Variants in NIBAN3 observed in about 807,000 individuals in gnomAD.
The protein encoded by NIBAN3 is protein Niban 3.
Under a neutral mutation model 76.4 loss-of-function variants are expected in NIBAN3, and 66 were observed. That is an observed-to-expected ratio of 0.86 (90% CI 0.71 to 1.06). NIBAN3 has a LOEUF of 1.06. Among genes scored for constraint, NIBAN3 ranks in the 50% least tolerant of loss-of-function variants. NIBAN3 has a pLI of 0.00. For synonymous variants in NIBAN3, 360 were observed against 355.2 expected, an observed-to-expected ratio of 1.01 and a Z score of -0.15; for missense variants, 808 against 810.7, an observed-to-expected ratio of 1.00 and a Z score of 0.04.
chr19:17,532,466 C>T, intron 3 of NIBAN3, 78 bp downstream of exon 3: 3 of 1,589,422 alleles, frequency 1.9e-6, no homozygotes, highest in Non-Finnish European at 2.6e-6. Flanking sequence ...TTGTGGGATC[C>T]ATATCTCAGC....
Position 17,553,123 on chromosome 19 carries a change from T to G in NIBAN3, c.*1225T>G, listed in dbSNP as rs2076181071. 4.5e-5 allele frequency: 14 copies of G among 314,106 alleles called. No homozygotes were observed. The highest frequency in any genetic ancestry group is 7.7e-5 in the African/African-American group (3 of 38,940). The allele number at this position is 314,106 out of a possible 1,614,324, so 19.5% of individuals were successfully genotyped here. On this transcript the variant is annotated 3_prime_UTR_variant, in exon 15 of 15. Transcript: ENST00000599164. ...TGATTAGCCATTTACATGTTTGTAG[T>G]TTTTTTTTTTTTAATTTCAGTGAAT...
chr19:17,539,053 G>A (rs745871901), intron 5 of NIBAN3, 97 bp from the exon 6 acceptor site: 63 of 1,011,774 alleles, frequency 6.2e-5, no homozygotes, highest in Non-Finnish European at 8.7e-5. Context: ...TGAGACTTGG[G>A]TGTTGGGGAC....
At chr19:17,546,923 T>C (rs2076066539) in intron 13 of NIBAN3, 126 bp downstream of exon 13, 3 of 1,274,186 alleles carry the variant, frequency 2.4e-6, no homozygotes, top group Non-Finnish European at 3.2e-6. Flanking sequence ...AAGTCAGGAC[T>C]TGGCCTGAGG....
At chr19:17,548,395 G>A (rs530796561) in intron 13 of NIBAN3, among the ~76,000 whole-genome samples, 6 of 152,314 alleles carry the variant, frequency 3.9e-5, no homozygotes, top group Admixed American at 3.9e-4. Flanking sequence ...TGGAAGTGAG[G>A]GAGGAGGCTG....
chr19:17,552,079 A>ATTTT lies in NIBAN3; in HGVS notation c.*181_*182insTTTT. 1 of 357,214 alleles carries ATTTT rather than the reference A, an allele frequency of 2.8e-6. No individual in the cohort carries two copies. The highest frequency in any genetic ancestry group is 7.4e-5 in the South Asian group (1 of 13,582). 22.1% of individuals were successfully genotyped at this position (357,214 alleles called of 1,614,324 possible). A position where few individuals can be genotyped will look rare whatever the true frequency, so the allele number is the denominator to read the frequency against. ...TTTTCCCCAAGGCTTTCTTTATTTTAATTTTTTTTTTTTTTTTGAGACTGA... is the reference window on the plus strand; with the variant it reads ...TTTTCCCCAAGGCTTTCTTTATTTTATTTTATTTTTTTTTTTTTTTTGAGACTGA... On this transcript the variant is annotated 3_prime_UTR_variant, in exon 15 of 15. Coordinates refer to ENST00000599164, the MANE Select transcript of NIBAN3 (RefSeq NM_001321827.2).
intron 1 of NIBAN3, among the ~76,000 whole-genome samples, chr19:17,527,728 GT>G (rs991449044): frequency 9.1e-4 from 133 of 146,048 alleles, no homozygotes; most frequent in African/African-American, 2.0e-3. Context: ...TTCATTGGTT[GT>G]TTTTTTTTTT....
intron 3 of NIBAN3, among the ~76,000 whole-genome samples, chr19:17,532,972 GA>G (rs796579063): frequency 6.7e-6 from 1 of 149,700 alleles, no homozygotes; most frequent in East Asian, 2.0e-4. Flanking sequence ...GAGAGAGGAG[GA>G]AAAAAAAAGG....
chr19:17,541,720 C>T (rs2075956729), intron 9 of NIBAN3, among the ~76,000 whole-genome samples: 1 of 151,210 alleles, frequency 6.6e-6, no homozygotes, highest in African/African-American at 2.4e-5. Flanking sequence ...GACAGAGTCT[C>T]ATTTTGCCGC....
intron 1 of NIBAN3, among the ~76,000 whole-genome samples, chr19:17,530,042 C>A (rs2075685021): frequency 7.0e-6 from 1 of 143,724 alleles, no homozygotes; most frequent in Non-Finnish European, 1.5e-5. Flanking sequence ...GCCTGGGGGA[C>A]AGACACCCTG....
At chr19:17,546,606 G>A (rs2076059315) in intron 12 of NIBAN3, 80 bp from the exon 13 acceptor site, 1 of 1,389,928 alleles carries the variant, frequency 7.2e-7, no homozygotes, top group African/African-American at 1.5e-5. Context: ...TCAGGCCCAG[G>A]GCTAGGGCAG....
At chr19:17,532,419 C>T (rs751186213) in intron 3 of NIBAN3, 31 bp downstream of exon 3, 1 of 1,614,138 alleles carries the variant, frequency 6.2e-7, no homozygotes, top group South Asian at 1.1e-5. Context: ...CTTTCTACTT[C>T]TGGGTCCCTC....
chr19:17,529,788 G>T (rs1422129686), intron 1 of NIBAN3, among the ~76,000 whole-genome samples: 1 of 152,328 alleles, frequency 6.6e-6, no homozygotes, highest in East Asian at 1.9e-4. Context: ...ATAAGTGAAG[G>T]TGTGGCTCAA....
Position 17,539,335 on chromosome 19 carries a change from C to T in NIBAN3, c.712-12C>T, listed in dbSNP as rs150641625. On this transcript the variant is annotated splice_polypyrimidine_tract_variant and intron_variant, in intron 6 of 14. Coordinates refer to ENST00000599164, the MANE Select transcript of NIBAN3 (RefSeq NM_001321827.2). ...CGGCCGACCGCGGCGCCCATGGCCC[C>T]CTCTCCTGCAGGTGCTGACCGCGGT... 2 of 1,550,100 alleles carry T rather than the reference C, an allele frequency of 1.3e-6. No homozygotes were observed. Among genetic ancestry groups the T allele is most frequent in the Middle Eastern group, 1.7e-4 (1 of 5,858 alleles).
At chr19:17,539,067 G>C in intron 5 of NIBAN3, 83 bp from the exon 6 acceptor site, 1 of 1,244,152 alleles carries the variant, frequency 8.0e-7, no homozygotes, top group Non-Finnish European at 1.1e-6. Context: ...TGGGGACCTG[G>C]CCAGGCGGAG....
chr19:17,533,471 T>C, intron 3 of NIBAN3, 116 bp from the exon 4 acceptor site: 1 of 383,904 alleles, frequency 2.6e-6, no homozygotes. Flanking sequence ...GAGGGAGGGG[T>C]GGGAGGGGCA....
At chr19:17,547,827 T>A (rs573874159) in intron 13 of NIBAN3, among the ~76,000 whole-genome samples, 231 of 150,592 alleles carry the variant, frequency 1.5e-3, no homozygotes, top group Non-Finnish European at 2.4e-3. Flanking sequence ...CCAGCACACC[T>A]GGCTAATTTT....
intron 8 of NIBAN3, 100 bp from the exon 9 acceptor site, chr19:17,540,292 C>T (rs1310151541): frequency 6.2e-6 from 5 of 812,312 alleles, no homozygotes; most frequent in African/African-American, 3.6e-5. Context: ...AGAGGGCGCT[C>T]AGCGTCCCTG....
chr19:17,541,992 T>G, intron 9 of NIBAN3, 144 bp from the exon 10 acceptor site: 11 of 995,704 alleles, frequency 1.1e-5, no homozygotes, highest in Non-Finnish European at 1.5e-5. Context: ...CCCACCACTA[T>G]TGTATTATGA....
In NIBAN3 at chr19:17,553,357, GC is replaced by G; in HGVS notation, c.*1460del. The G allele has an allele frequency of 6.2e-7, 1 of 1,614,148 alleles. No individual in the cohort carries two copies. Among genetic ancestry groups the G allele is most frequent in the South Asian group, 1.1e-5 (1 of 91,080 alleles). ...GTCAAGTTTCCTGGCTGGGAGACAAGCTTTTACCGACTTCCTCTGCTTGCCA... is the reference window on the plus strand; with the variant it reads ...GTCAAGTTTCCTGGCTGGGAGACAAGTTTTACCGACTTCCTCTGCTTGCCA... On this transcript the variant is annotated 3_prime_UTR_variant, in exon 15 of 15. Coordinates refer to ENST00000599164, the MANE Select transcript of NIBAN3 (RefSeq NM_001321827.2).
Sources: allele counts gnomAD v4.1 joint callset (sites outside exome capture counted in the v4.1 genomes callset), GRCh38; gene constraint gnomAD v4.1.1; transcripts MANE v1.5; gene names NCBI Gene and HGNC (gene_info 2026-07-23, HGNC 2026-07-21).